The following ENAH variants were observed in gnomAD, a reference collection of about 807,000 sequenced individuals.
ENAH encodes protein enabled homolog.
Under a neutral mutation model 78.7 loss-of-function variants are expected in ENAH, and 23 were observed. The observed-to-expected ratio is 0.29, with a 90% confidence interval of 0.21 to 0.41. The LOEUF is 0.41. Ranked by LOEUF, ENAH falls within the 10% of genes least tolerant of loss-of-function variation. The pLI is 1.00. For synonymous variants in ENAH, 226 were observed against 241.0 expected, an observed-to-expected ratio of 0.94 and a Z score of 0.58; for missense variants, 544 against 691.0, an observed-to-expected ratio of 0.79 and a Z score of 2.39.
chr1:225,531,631 A>T (rs1454345279), intron 3 of ENAH, among the ~76,000 whole-genome samples: 1 of 152,120 alleles, frequency 6.6e-6, no homozygotes, highest in Non-Finnish European at 1.5e-5. Flanking sequence ...GTACCAGCAA[A>T]TGCTCCTAAC....
At chr1:225,594,396 ATCCT>A (rs2096892508) in intron 1 of ENAH, among the ~76,000 whole-genome samples, 1 of 152,074 alleles carries the variant, frequency 6.6e-6, no homozygotes, top group Non-Finnish European at 1.5e-5. Context: ...AAATAAGAAA[ATCCT>A]TCCTTTCCTC....
intron 3 of ENAH, among the ~76,000 whole-genome samples, chr1:225,537,665 C>T (rs1052368022): frequency 1.3e-5 from 2 of 151,670 alleles, no homozygotes; most frequent in African/African-American, 4.8e-5. Context: ...ACTGATGTTA[C>T]ATAAACCTTA....
chr1:225,579,715 G>A (rs1439149035), intron 1 of ENAH, among the ~76,000 whole-genome samples: 3 of 152,100 alleles, frequency 2.0e-5, no homozygotes, highest in African/African-American at 4.8e-5. Context: ...ATTACAGGAC[G>A]CACATGAACT....
At chr1:225,585,206 AC>A (rs2096839340) in intron 1 of ENAH, among the ~76,000 whole-genome samples, 1 of 104,550 alleles carries the variant, frequency 9.6e-6, no homozygotes, top group Admixed American at 1.4e-4. Context: ...ACGGAGTGAT[AC>A]CCTGTCTCAA....
At chr1:225,505,834 C>A (rs866682463) in intron 11 of ENAH, among the ~76,000 whole-genome samples, 1 of 152,150 alleles carries the variant, frequency 6.6e-6, no homozygotes, top group South Asian at 2.1e-4. Flanking sequence ...TCCAGAATTT[C>A]TATTTTGGGA....
chr1:225,500,607 C>A (rs1264294020), intron 12 of ENAH, among the ~76,000 whole-genome samples: 3 of 152,106 alleles, frequency 2.0e-5, no homozygotes, highest in Non-Finnish European at 2.9e-5. Context: ...TTTTAGAAAG[C>A]AGAAGTATAG....
At chr1:225,598,598 T>TAC (rs1176454946) in intron 1 of ENAH, among the ~76,000 whole-genome samples, 26 of 149,678 alleles carry the variant, frequency 1.7e-4, no homozygotes, top group Middle Eastern at 6.9e-3. Context: ...TGGCTAAGAA[T>TAC]ACACACACAC....
chr1:225,574,620 G>GATT lies in ENAH; in HGVS notation c.6-7207_6-7206insAAT, dbSNP rs1558840614. 3.4e-3 allele frequency among the ~76,000 whole-genome samples: 27 copies of GATT among 7,970 alleles called. 4 individuals carry two copies. Among genetic ancestry groups the GATT allele is most frequent in the East Asian group, 0.012 (3 of 246 alleles). The allele number at this position is 7,970 out of a possible 152,430, so 5.2% of individuals were successfully genotyped here. A position where few individuals can be genotyped will look rare whatever the true frequency, so the allele number is the denominator to read the frequency against. On this transcript the variant is annotated intron_variant, in intron 1 of 13. Coordinates refer to ENST00000366843, the MANE Select transcript of ENAH (RefSeq NM_018212.6). ...CTGTCTCCAAAATATATAAAAAAAA[G>GATT]GCCGGGCGCGGTGGCTCACGCCTGT...
At chr1:225,507,209 C>T (rs1379642812) in intron 11 of ENAH, among the ~76,000 whole-genome samples, 3 of 152,048 alleles carry the variant, frequency 2.0e-5, no homozygotes, top group East Asian at 3.8e-4. Flanking sequence ...CTTGATTACA[C>T]TTACAAGTTT....
At chr1:225,520,922 A>AAGGGAGGG (rs68163613) in intron 4 of ENAH, among the ~76,000 whole-genome samples, 20 of 60,896 alleles carry the variant, frequency 3.3e-4, no homozygotes, top group Non-Finnish European at 4.6e-4. Flanking sequence ...GGAAGGGAGG[A>AAGGGAGGG]AGGGAGGGAG....
At chr1:225,566,220 C>T (rs1215288784) in intron 2 of ENAH, among the ~76,000 whole-genome samples, 3 of 152,098 alleles carry the variant, frequency 2.0e-5, no homozygotes, top group East Asian at 1.9e-4. Context: ...CTTCTTTCTA[C>T]GGGGTGTAGC....
chr1:225,515,944 CT>C lies in ENAH; in HGVS notation c.914-1045del, dbSNP rs1253917201. Among the ~76,000 whole-genome samples the C allele has an allele frequency of 2.0e-5, 3 of 152,154 alleles. No individual in the cohort carries two copies. The East Asian group carries it at 5.8e-4, about 29-fold the overall frequency. On this transcript the variant is annotated intron_variant, in intron 6 of 13. Transcript: ENST00000366843. ...TGAACGTCTTAGAATTCTGACTAAC[CT>C]TTTAAGCAAATTTGTAAGTCAACAA... is the stretch of plus-strand genomic sequence containing the variant.
At chr1:225,600,789 G>A (rs949638886) in intron 1 of ENAH, among the ~76,000 whole-genome samples, 28 of 152,174 alleles carry the variant, frequency 1.8e-4, no homozygotes, top group African/African-American at 6.7e-4. Flanking sequence ...GCTCAAAACT[G>A]CAGTAAGCTG....
In ENAH at chr1:225,530,918, T is replaced by C. The variant is rs2096534528; in HGVS notation, c.350-280A>G. The C allele has an allele frequency of 1.7e-5, 7 of 416,342 alleles. No individual in the cohort carries two copies. The East Asian group carries it at 2.4e-4, about 14-fold the overall frequency. The allele number at this position is 416,342 out of a possible 1,614,324, so 25.8% of individuals were successfully genotyped here. ...ATGAAGAGCTTGAGTAAAACAAGTG[T>C]TCGATGAGCATCTGAAGAGGCACCT... On this transcript the variant is annotated intron_variant, in intron 3 of 13. Transcript: ENST00000366843.
intron 11 of ENAH, among the ~76,000 whole-genome samples, chr1:225,507,467 A>G (rs1575327434): frequency 6.6e-6 from 1 of 152,198 alleles, no homozygotes; most frequent in Non-Finnish European, 1.5e-5. Flanking sequence ...TTGTGGTTAC[A>G]TAGCAGATGT....
chr1:225,577,114 T>A (rs943350797), intron 1 of ENAH, among the ~76,000 whole-genome samples: 3 of 152,076 alleles, frequency 2.0e-5, no homozygotes, highest in African/African-American at 7.2e-5. Flanking sequence ...TAAGACCCCA[T>A]CTCAAAAAAC....
At chr1:225,626,107 A>G (rs943377799) in intron 1 of ENAH, among the ~76,000 whole-genome samples, 5 of 152,160 alleles carry the variant, frequency 3.3e-5, no homozygotes, top group African/African-American at 1.2e-4. Flanking sequence ...ATGAAGAAAG[A>G]CTGCAGGGAA....
intron 1 of ENAH, chr1:225,581,220 C>T (rs1354840626): frequency 8.4e-6 from 8 of 948,004 alleles, no homozygotes; most frequent in Non-Finnish European, 1.0e-5. Flanking sequence ...TAATAAGAAA[C>T]TTTTCTCAGT....
chr1:225,549,165 A>G (rs1243788497), intron 3 of ENAH, among the ~76,000 whole-genome samples: 1 of 152,128 alleles, frequency 6.6e-6, no homozygotes, highest in South Asian at 2.1e-4. Flanking sequence ...GATAGGTTTT[A>G]TAGGGTTCAA....
Sources: allele counts gnomAD v4.1 joint callset (sites outside exome capture counted in the v4.1 genomes callset), GRCh38; gene constraint gnomAD v4.1.1; transcripts MANE v1.5; gene names NCBI Gene and HGNC (gene_info 2026-07-23, HGNC 2026-07-21).